TBC1D19: variants seen among roughly 807,000 people sequenced by gnomAD.
TBC1D19 encodes the protein TBC1 domain family, member 19.
A neutral mutation model predicts 89.0 loss-of-function variants in TBC1D19; 60 were observed. That is an observed-to-expected ratio of 0.67 (90% CI 0.55 to 0.84). The LOEUF is 0.84. Among genes scored for constraint, TBC1D19 ranks in the 40% least tolerant of loss-of-function variants. TBC1D19 has a pLI of 0.00. For synonymous variants in TBC1D19, 189 were observed against 199.7 expected, an observed-to-expected ratio of 0.95 and a Z score of 0.45; for missense variants, 500 against 610.8, an observed-to-expected ratio of 0.82 and a Z score of 1.91.
At position 26,631,521 on chromosome 4, in the gene TBC1D19, T is replaced by C. The variant is rs182387642; in HGVS notation, c.295-5690T>C. Among the ~76,000 whole-genome samples, 50 of 152,220 alleles carry C rather than the reference T, an allele frequency of 3.3e-4. 1 individual carries two copies. The East Asian group carries it at 9.1e-3, about 28-fold the overall frequency. The stretch of plus-strand genomic sequence containing the variant: ...AAAACTCAGATAATATACCTCATTT[T>C]CCCCTGTTCTAGTTATTAAAAAACC... On this transcript the variant is annotated intron_variant, in intron 4 of 20. Transcript: ENST00000264866.
the TBC1D19 span, among the ~76,000 whole-genome samples, chr4:26,791,656 G>A: frequency 6.6e-6 from 1 of 152,186 alleles, no homozygotes; most frequent in East Asian, 1.9e-4. Context: ...GGAACATAAA[G>A]CCGAGACAAT....
chr4:26,673,205 T>TA (rs1293559422), intron 10 of TBC1D19, among the ~76,000 whole-genome samples: 1 of 151,650 alleles, frequency 6.6e-6, no homozygotes, highest in Non-Finnish European at 1.5e-5. Context: ...TCTACGTCTT[T>TA]GAAAATCCCT....
rs149722432 is a variant in TBC1D19 at position 26,673,444 on chromosome 4, T to TACACACACACACACAC, written c.704-331_704-330insCACACACACACACACA. Among the ~76,000 whole-genome samples, 322 of 78,326 alleles carry TACACACACACACACAC rather than the reference T, an allele frequency of 4.1e-3. 1 individual carries two copies. The highest frequency in any genetic ancestry group is 0.015 in the African/African-American group (296 of 19,900). 51.4% of individuals were successfully genotyped at this position (78,326 alleles called of 152,430 possible). Reference sequence around the variant, plus strand: ...TATTTCATATATATATATATATATATATACACACACACACACACACACACA... The same window carrying TACACACACACACACAC: ...TATTTCATATATATATATATATATATACACACACACACACACATACACACACACACACACACACACA... On this transcript the variant is annotated intron_variant, in intron 10 of 20. Transcript: ENST00000264866.
intron 19 of TBC1D19, among the ~76,000 whole-genome samples, chr4:26,749,759 T>C (rs984180251): frequency 2.0e-5 from 3 of 152,126 alleles, no homozygotes; most frequent in African/African-American, 7.2e-5. Flanking sequence ...AACATATTCT[T>C]GAATGCTGAG....
the TBC1D19 span, among the ~76,000 whole-genome samples, chr4:26,789,832 C>T: frequency 6.6e-6 from 1 of 152,092 alleles, no homozygotes; most frequent in Non-Finnish European, 1.5e-5. Flanking sequence ...GTGGAGTATA[C>T]ATACCATGGA....
At chr4:26,823,039 C>A in the TBC1D19 span, among the ~76,000 whole-genome samples, 1 of 152,152 alleles carries the variant, frequency 6.6e-6, no homozygotes, top group Non-Finnish European at 1.5e-5. Context: ...TAAAGACATA[C>A]CCAAGACTGG....
intron 13 of TBC1D19, among the ~76,000 whole-genome samples, chr4:26,705,222 A>G (rs888395745): frequency 1.3e-5 from 2 of 152,048 alleles, no homozygotes; most frequent in Admixed American, 1.3e-4. Context: ...ATTTTCTCCC[A>G]TTTGTGAGTT....
At chr4:26,720,023 A>AT (rs376600299) in intron 14 of TBC1D19, 58 bp from the exon 15 acceptor site, 1 of 1,429,302 alleles carries the variant, frequency 7.0e-7, no homozygotes, top group African/African-American at 1.4e-5. Flanking sequence ...AAATAAGTTG[A>AT]TTTTTAAAGA....
At chr4:26,623,625 A>G (rs189967250) in intron 4 of TBC1D19, among the ~76,000 whole-genome samples, 48 of 152,258 alleles carry the variant, frequency 3.2e-4, no homozygotes, top group Middle Eastern at 3.4e-3. Context: ...TAACATGTCT[A>G]AAACTGTTTG....
intron 13 of TBC1D19, among the ~76,000 whole-genome samples, chr4:26,690,408 G>T (rs769937965): frequency 6.6e-6 from 1 of 152,200 alleles, no homozygotes; most frequent in Non-Finnish European, 1.5e-5. Context: ...AGATGAAACA[G>T]CTTTCCATTG....
At chr4:26,827,886 C>G in the TBC1D19 span, among the ~76,000 whole-genome samples, 3 of 152,082 alleles carry the variant, frequency 2.0e-5, no homozygotes, top group Non-Finnish European at 4.4e-5. Context: ...CTGTGCCCAG[C>G]TATTTTATTA....
intron 7 of TBC1D19, among the ~76,000 whole-genome samples, chr4:26,654,406 T>C (rs1744639732): frequency 1.3e-5 from 2 of 152,212 alleles, no homozygotes; most frequent in South Asian, 4.1e-4. Context: ...ATTTCCTGCA[T>C]TTGAATGTTG....
chr4:26,806,480 G>A, the TBC1D19 span, among the ~76,000 whole-genome samples: 3 of 152,210 alleles, frequency 2.0e-5, no homozygotes, highest in Admixed American at 6.5e-5. Context: ...TAATCTCATG[G>A]AATTACAGTG....
intron 13 of TBC1D19, among the ~76,000 whole-genome samples, chr4:26,691,992 A>G (rs1253766594): frequency 6.6e-6 from 1 of 152,200 alleles, no homozygotes; most frequent in Non-Finnish European, 1.5e-5. Flanking sequence ...AATTATCCTA[A>G]GGTTACATAA....
chr4:26,582,329 T>G (rs571461656), upstream of TBC1D19, among the ~76,000 whole-genome samples: 8 of 152,102 alleles, frequency 5.3e-5, no homozygotes, highest in Non-Finnish European at 1.2e-4. Context: ...AAGAGACTCA[T>G]GCAATTCCCA....
chr4:26,671,013 T>C (rs1325445657), intron 9 of TBC1D19, among the ~76,000 whole-genome samples: 1 of 151,422 alleles, frequency 6.6e-6, no homozygotes, highest in Non-Finnish European at 1.5e-5. Flanking sequence ...AATATTCTTG[T>C]ACATGTCTCT....
the TBC1D19 span, among the ~76,000 whole-genome samples, chr4:26,822,112 T>G: frequency 1.3e-5 from 2 of 152,244 alleles, no homozygotes; most frequent in Non-Finnish European, 2.9e-5. Flanking sequence ...TGTGATGACA[T>G]TAGCCATGGT....
upstream of TBC1D19, chr4:26,584,079 G>A: frequency 9.8e-7 from 1 of 1,016,368 alleles, no homozygotes; most frequent in Non-Finnish European, 1.5e-6. Context: ...CGCTGGAGGA[G>A]TCCCAGTGTA....
At chr4:26,588,862 A>G (rs1577751857) in intron 1 of TBC1D19, among the ~76,000 whole-genome samples, 2 of 152,304 alleles carry the variant, frequency 1.3e-5, no homozygotes, top group Admixed American at 1.3e-4. Flanking sequence ...TCTGTTCCAT[A>G]ATTGTCAATT....
Sources: gnomAD v4.1 joint callset for allele counts (sites outside exome capture counted in the v4.1 genomes callset) on GRCh38, gnomAD v4.1.1 for gene constraint, MANE v1.5 for transcripts, NCBI Gene and HGNC (gene_info 2026-07-23, HGNC 2026-07-21) for gene names.